Variants in SLCO3A1 observed in about 807,000 individuals in gnomAD.
SLCO3A1 encodes solute carrier organic anion transporter family member 3A1.
SLCO3A1 carries 27 observed loss-of-function variants against 63.1 expected under a neutral mutation model. The observed-to-expected ratio is 0.43, with a 90% CI of 0.32 to 0.59. The LOEUF (loss-of-function observed/expected upper bound fraction) is 0.59. Ranked by LOEUF, SLCO3A1 falls within the 20% of genes least tolerant of loss-of-function variation. SLCO3A1 has a pLI of 0.09. For missense variants in SLCO3A1, 773 were observed against 945.8 expected (o/e 0.82, Z 2.40); for synonymous variants, 473 against 409.9 (o/e 1.15, Z -1.86).
At chr15:92,139,157 C>A in intron 7 of SLCO3A1, among the ~76,000 whole-genome samples, 1 of 151,304 alleles carries the variant, frequency 6.6e-6, no homozygotes, top group Non-Finnish European at 1.5e-5. Flanking sequence ...CCCATCAATA[C>A]CTGATTTATT....
intron 1 of SLCO3A1, among the ~76,000 whole-genome samples, chr15:91,881,830 G>T (rs1309312876): frequency 6.6e-6 from 1 of 152,170 alleles, no homozygotes; most frequent in African/African-American, 2.4e-5. Flanking sequence ...AGCGCAAGCA[G>T]CATGACTTCT....
intron 2 of SLCO3A1, among the ~76,000 whole-genome samples, chr15:92,001,065 G>T (rs2046248893): frequency 1.3e-5 from 2 of 152,064 alleles, no homozygotes; most frequent in Non-Finnish European, 2.9e-5. Context: ...TCCCCAGCTT[G>T]CATACCTCAT....
chr15:92,018,753 G>A (rs968507391), intron 2 of SLCO3A1, among the ~76,000 whole-genome samples: 1 of 152,168 alleles, frequency 6.6e-6, no homozygotes, highest in African/African-American at 2.4e-5. Context: ...GGGGATCACG[G>A]GGTGGGTTGG....
intron 2 of SLCO3A1, among the ~76,000 whole-genome samples, chr15:91,970,556 G>A (rs1328248274): frequency 2.0e-5 from 3 of 152,168 alleles, no homozygotes; most frequent in Non-Finnish European, 4.4e-5. Context: ...AATGAAAGCG[G>A]GTAGGTAGGA....
chr15:91,904,181 T>C (rs767230496), intron 1 of SLCO3A1, among the ~76,000 whole-genome samples: 7 of 152,246 alleles, frequency 4.6e-5, no homozygotes, highest in Non-Finnish European at 8.8e-5. Flanking sequence ...TGTTATATCA[T>C]GCACGGATGT....
chr15:92,018,148 C>G (rs530459601), intron 2 of SLCO3A1, among the ~76,000 whole-genome samples: 47 of 152,270 alleles, frequency 3.1e-4, no homozygotes, highest in Non-Finnish European at 5.1e-4. Flanking sequence ...AGATGTGAGG[C>G]CAGGCCTTGG....
chr15:92,003,506 G>A (rs56136220), intron 2 of SLCO3A1, among the ~76,000 whole-genome samples: 1 of 152,176 alleles, frequency 6.6e-6, no homozygotes, highest in Non-Finnish European at 1.5e-5. Flanking sequence ...CTTCCCATCA[G>A]AGGATGTCTC....
intron 1 of SLCO3A1, among the ~76,000 whole-genome samples, chr15:91,874,512 G>A (rs544298739): frequency 7.9e-5 from 12 of 152,282 alleles, no homozygotes; most frequent in African/African-American, 2.6e-4. Flanking sequence ...CTTTTGCAAC[G>A]GGCTTGTTTC....
chr15:92,066,306 C>T (rs2047150941), intron 2 of SLCO3A1, among the ~76,000 whole-genome samples: 1 of 152,232 alleles, frequency 6.6e-6, no homozygotes, highest in Non-Finnish European at 1.5e-5. Context: ...CTGTTCAAAT[C>T]CTGGCTTCAC....
chr15:91,871,813 A>T (rs1228002303), intron 1 of SLCO3A1, among the ~76,000 whole-genome samples: 9 of 17,782 alleles, frequency 5.1e-4, no homozygotes, highest in Non-Finnish European at 6.3e-4. Flanking sequence ...TTTCAGGTTT[A>T]ATTTTTTTTT....
chr15:91,996,737 T>C (rs1413676671), intron 2 of SLCO3A1, among the ~76,000 whole-genome samples: 2 of 152,054 alleles, frequency 1.3e-5, no homozygotes, highest in African/African-American at 2.4e-5. Flanking sequence ...CTACAATTAA[T>C]GAGGAAAAAT....
At chr15:91,892,328 A>G (rs1348654323) in intron 1 of SLCO3A1, among the ~76,000 whole-genome samples, 1 of 152,068 alleles carries the variant, frequency 6.6e-6, no homozygotes, top group Admixed American at 6.5e-5. Flanking sequence ...TTTCATTACT[A>G]TTTGGAGAAA....
At position 91,941,600 on chromosome 15, in the gene SLCO3A1, C is replaced by T. The variant is rs746246752; in HGVS notation, c.646+25142C>T. 1.1e-5 allele frequency: 5 copies of T among 455,680 alleles called. No individual in the cohort carries two copies. The highest frequency in any genetic ancestry group is 4.0e-5 in the African/African-American group (2 of 50,028). 28.2% of individuals were successfully genotyped at this position (455,680 alleles called of 1,614,324 possible). ...CAGTAAGTAATCTTTTCTCTTCCTT[C>T]GTCTTGGAGGTTTTGAAGCTTCTAA... On this transcript the variant is annotated intron_variant, in intron 2 of 9. Coordinates refer to ENST00000318445, the MANE Select transcript of SLCO3A1 (RefSeq NM_013272.4). The surrounding 1 kb of genome is among the most constrained non-coding windows in gnomAD (Gnocchi z 4.4).
intron 2 of SLCO3A1, among the ~76,000 whole-genome samples, chr15:91,985,860 T>A (rs1006734201): frequency 2.0e-5 from 3 of 152,100 alleles, no homozygotes; most frequent in Non-Finnish European, 4.4e-5. Flanking sequence ...GAAGGAGGAA[T>A]GAGTGCACGG....
At chr15:92,001,740 C>T (rs1249723864) in intron 2 of SLCO3A1, among the ~76,000 whole-genome samples, 4 of 151,902 alleles carry the variant, frequency 2.6e-5, no homozygotes, top group South Asian at 4.2e-4. Context: ...TCCCAACCAA[C>T]CAGCTAGCCA....
chr15:91,995,283 T>G (rs1421434123), intron 2 of SLCO3A1, among the ~76,000 whole-genome samples: 1 of 152,302 alleles, frequency 6.6e-6, no homozygotes, highest in East Asian at 1.9e-4. Context: ...ACGTGAGACT[T>G]CGGACAAGTT....
intron 1 of SLCO3A1, among the ~76,000 whole-genome samples, chr15:91,904,253 T>A (rs188306496): frequency 1.3e-5 from 2 of 152,178 alleles, no homozygotes. Flanking sequence ...TGGGTACTTA[T>A]CAGTATAGCA....
At chr15:92,052,454 C>T (rs1285849238) in intron 2 of SLCO3A1, among the ~76,000 whole-genome samples, 1 of 152,120 alleles carries the variant, frequency 6.6e-6, no homozygotes, top group African/African-American at 2.4e-5. Flanking sequence ...TAGATAGGAC[C>T]TCAGGGTTCA....
chr15:91,992,007 C>T (rs2046132037), intron 2 of SLCO3A1, among the ~76,000 whole-genome samples: 1 of 152,178 alleles, frequency 6.6e-6, no homozygotes, highest in South Asian at 2.1e-4. Context: ...AATTGATAGA[C>T]TTTCATAAGT....
Sources: gnomAD v4.1 joint callset for allele counts (sites outside exome capture counted in the v4.1 genomes callset) on GRCh38, gnomAD v4.1.1 for gene constraint, Gnocchi (gnomAD v3.1) non-coding constraint, MANE v1.5 for transcripts, NCBI Gene and HGNC (gene_info 2026-07-23, HGNC 2026-07-21) for gene names.